The following MAGI1 variants were observed in gnomAD, a reference collection of about 807,000 sequenced individuals.
MAGI1 encodes the protein membrane associated guanylate kinase, WW and PDZ domain containing 1.
Under a neutral mutation model 139.9 loss-of-function variants are expected in MAGI1, and 58 were observed. The ratio of observed to expected loss-of-function variants is 0.41; its 90% CI spans 0.34 to 0.52. The LOEUF (loss-of-function observed/expected upper bound fraction) is 0.52, where lower values mean the gene tolerates loss of function less well. Ranked by LOEUF, MAGI1 falls within the 20% of genes least tolerant of loss-of-function variation. The pLI is 0.12. For missense variants in MAGI1, 1,874 were observed against 1,901.6 expected (o/e 0.99, Z 0.27); for synonymous variants, 812 against 737.9 (o/e 1.10, Z -1.63).
At chr3:65,840,286 C>T (rs2108335136) in intron 1 of MAGI1, among the ~76,000 whole-genome samples, 1 of 152,056 alleles carries the variant, frequency 6.6e-6, no homozygotes, top group South Asian at 2.1e-4. Context: ...GCTAGAAATT[C>T]CAGTACTATA....
intron 1 of MAGI1, among the ~76,000 whole-genome samples, chr3:65,727,853 T>C (rs934721406): frequency 2.0e-5 from 3 of 152,158 alleles, no homozygotes; most frequent in Admixed American, 6.5e-5. Context: ...AAAGCAGATA[T>C]ATATTATTCA....
rs1419561984 is a variant in MAGI1 at position 65,429,586 on chromosome 3, G to C, written c.2101C>G (p.Gln701Glu). The C allele has an allele frequency of 2.5e-6, 4 of 1,613,942 alleles. No individual in the cohort carries two copies. Among genetic ancestry groups the C allele is most frequent in the Non-Finnish European group, 3.4e-6 (4 of 1,179,920 alleles). The change falls in exon 12 of 23, where the codon CAA becomes GAA. Residue 701 changes from glutamine (Q) to glutamate (E), a missense_variant. This residue lies in a region of MAGI1 where 482 missense variants were observed against 509.6 expected (regional missense o/e 0.95). Coordinates refer to ENST00000402939, the MANE Select transcript of MAGI1 (RefSeq NM_001033057.2). ...CACTCAACCAGCATATCCACCACTT[G>C]GTTGTGAGTTAGGGCCTGCACGTTC... Reference protein sequence around the residue: ...KKNVQALTHNQVVDMLVECPK... With the variant: ...KKNVQALTHNEVVDMLVECPK...
chr3:65,470,576 A>C, intron 4 of MAGI1, 92 bp from the exon 5 acceptor site: 1 of 745,902 alleles, frequency 1.3e-6, no homozygotes. Context: ...GAAGTATGCA[A>C]CTATACACAT....
At chr3:66,000,589 T>G (rs1206176910) in intron 1 of MAGI1, among the ~76,000 whole-genome samples, 1 of 152,204 alleles carries the variant, frequency 6.6e-6, no homozygotes, top group Non-Finnish European at 1.5e-5. Context: ...AAGCTAAAAC[T>G]GTCCAAAGGC....
At chr3:65,948,743 TA>T (rs2063658987) in intron 1 of MAGI1, among the ~76,000 whole-genome samples, 1 of 152,188 alleles carries the variant, frequency 6.6e-6, no homozygotes, top group Non-Finnish European at 1.5e-5. Context: ...CCCACAGACT[TA>T]AAAAGCTATA....
intron 1 of MAGI1, among the ~76,000 whole-genome samples, chr3:65,696,608 A>C (rs1293963043): frequency 6.6e-6 from 1 of 152,148 alleles, no homozygotes; most frequent in Admixed American, 6.5e-5. Flanking sequence ...ATACATGTCC[A>C]TGAGCTTCAT....
intron 1 of MAGI1, among the ~76,000 whole-genome samples, chr3:65,645,018 GAAAA>G (rs56743130): frequency 7.0e-6 from 1 of 141,932 alleles, no homozygotes; most frequent in Non-Finnish European, 1.5e-5. Context: ...TAAAAAGAAA[GAAAA>G]AAAAAACAGT....
intron 2 of MAGI1, among the ~76,000 whole-genome samples, chr3:65,599,767 G>C (rs993000243): frequency 2.6e-5 from 4 of 152,088 alleles, no homozygotes; most frequent in African/African-American, 7.2e-5. Context: ...CTGCAAAATG[G>C]AACAGCTCCC....
chr3:65,439,010 C>A (rs1308981479), intron 9 of MAGI1, among the ~76,000 whole-genome samples: 2 of 152,024 alleles, frequency 1.3e-5, no homozygotes, highest in African/African-American at 4.8e-5. Context: ...GTAACAGAAG[C>A]ATTATACTTG....
chr3:65,869,990 T>C (rs1361530948), intron 1 of MAGI1, among the ~76,000 whole-genome samples: 2 of 152,202 alleles, frequency 1.3e-5, no homozygotes, highest in African/African-American at 2.4e-5. Context: ...ATTCTGTACC[T>C]GGCTTCATAG....
intron 12 of MAGI1, among the ~76,000 whole-genome samples, chr3:65,404,889 C>A (rs1945207627): frequency 6.6e-6 from 1 of 152,216 alleles, no homozygotes; most frequent in South Asian, 2.1e-4. Flanking sequence ...CCTAGACAAG[C>A]AAACACTTTG....
At chr3:65,998,060 G>A (rs141717287) in intron 1 of MAGI1, among the ~76,000 whole-genome samples, 1,669 of 149,022 alleles carry the variant, frequency 0.011, 27 homozygotes, top group African/African-American at 0.033. Context: ...CCAAGATTGC[G>A]CCATTGCACT....
intron 12 of MAGI1, among the ~76,000 whole-genome samples, chr3:65,420,752 C>T (rs1382273202): frequency 6.6e-6 from 1 of 152,146 alleles, no homozygotes; most frequent in Admixed American, 6.6e-5. Context: ...AGGGATGACA[C>T]CACACCTTAA....
chr3:66,038,383 CG>C lies in MAGI1; in HGVS notation c.-76del. ...CCCACAGCACGAGCCCCCAAGCCTC[CG>C]CTTGTTCATGGGAGAAACATCTCTC... On this transcript the variant is annotated 5_prime_UTR_variant, in exon 1 of 23. It introduces an in-frame stop codon into an upstream open reading frame of the 5' UTR. Coordinates refer to ENST00000402939, the MANE Select transcript of MAGI1 (RefSeq NM_001033057.2). The C allele has an allele frequency of 1.3e-6, 2 of 1,494,280 alleles. No homozygotes were observed. Among genetic ancestry groups the C allele is most frequent in the Non-Finnish European group, 1.8e-6 (2 of 1,127,808 alleles). The allele number at this position is 1,494,280 out of a possible 1,614,324, so 92.6% of individuals were successfully genotyped here.
intron 1 of MAGI1, among the ~76,000 whole-genome samples, chr3:65,980,514 G>A (rs1192316982): frequency 6.8e-6 from 1 of 147,896 alleles, no homozygotes; most frequent in Non-Finnish European, 1.5e-5. Flanking sequence ...AGCGAGCCAA[G>A]ATCGCCCTAC....
At chr3:65,426,175 A>G (rs1366740603) in intron 12 of MAGI1, among the ~76,000 whole-genome samples, 1 of 152,114 alleles carries the variant, frequency 6.6e-6, no homozygotes, top group Non-Finnish European at 1.5e-5. Context: ...GAGATTTGTA[A>G]GCAAATCAGG....
At chr3:65,565,779 C>G (rs1001989477) in intron 2 of MAGI1, among the ~76,000 whole-genome samples, 4 of 151,140 alleles carry the variant, frequency 2.6e-5, no homozygotes, top group African/African-American at 9.7e-5. Flanking sequence ...ATTGCTTGAA[C>G]CCAGGAGGCA....
Position 65,478,590 on chromosome 3 carries a change from A to G in MAGI1, c.757+2T>C, listed in dbSNP as rs767884632. On this transcript the variant is annotated splice_donor_variant, in intron 4 of 22. Coordinates refer to ENST00000402939, the MANE Select transcript of MAGI1 (RefSeq NM_001033057.2). LOFTEE classifies it high-confidence loss of function. ...TTGAGGGCAACATGATCTGACCTTT[A>G]CCTGTAAAGCTGCTGTTCATTTCAG... 4 of 1,613,334 alleles carry G rather than the reference A, an allele frequency of 2.5e-6. No homozygotes were observed. Among genetic ancestry groups the G allele is most frequent in the Admixed American group, 3.3e-5 (2 of 59,982 alleles).
At chr3:65,444,522 A>T (rs982286538) in intron 7 of MAGI1, among the ~76,000 whole-genome samples, 4 of 152,154 alleles carry the variant, frequency 2.6e-5, no homozygotes, top group African/African-American at 9.7e-5. Context: ...GATTATCTTT[A>T]GATAAAACAG....
Sources: gnomAD v4.1 joint callset for allele counts (sites outside exome capture counted in the v4.1 genomes callset) on GRCh38, gnomAD v4.1.1 for gene constraint, gnomAD v4.1.1 regional missense constraint, MANE v1.5 for transcripts, NCBI Gene and HGNC (gene_info 2026-07-23, HGNC 2026-07-21) for gene names.